Variants in RIN3 observed in about 807,000 individuals in gnomAD.
RIN3 encodes RAB5 interacting protein 3.
Under a neutral mutation model 76.3 loss-of-function variants are expected in RIN3, and 54 were observed. The observed-to-expected ratio is 0.71, with a 90% CI of 0.57 to 0.89. The LOEUF (loss-of-function observed/expected upper bound fraction) is 0.89, where lower values mean the gene tolerates loss of function less well. Ranked by LOEUF, RIN3 falls within the 40% of genes least tolerant of loss-of-function variation. The pLI is 0.00. For synonymous variants in RIN3, 576 were observed against 564.0 expected (o/e 1.02, Z -0.30); for missense variants, 1,256 against 1,322.1 (o/e 0.95, Z 0.78).
chr14:92,655,931 A>G (rs1189266347), intron 6 of RIN3, among the ~76,000 whole-genome samples: 1 of 152,218 alleles, frequency 6.6e-6, no homozygotes, highest in Non-Finnish European at 1.5e-5. Context: ...CGAGCGGGCC[A>G]TGGAGGGCTG....
chr14:92,516,841 G>T (rs1408081035), intron 1 of RIN3, among the ~76,000 whole-genome samples: 1 of 152,158 alleles, frequency 6.6e-6, no homozygotes, highest in Non-Finnish European at 1.5e-5. Flanking sequence ...ATGCCACAGG[G>T]CACCCGCATT....
intron 1 of RIN3, among the ~76,000 whole-genome samples, chr14:92,553,907 C>T (rs1293428159): frequency 6.6e-6 from 1 of 152,192 alleles, no homozygotes; most frequent in Non-Finnish European, 1.5e-5. Context: ...GCCCTGCCTT[C>T]AGGGGTGGTT....
At chr14:92,647,601 TTGAC>T (rs1236608307) in intron 5 of RIN3, among the ~76,000 whole-genome samples, 13 of 152,366 alleles carry the variant, frequency 8.5e-5, no homozygotes, top group Admixed American at 3.3e-4. Flanking sequence ...AAACTTGACT[TTGAC>T]TGACTGTGTA....
intron 3 of RIN3, among the ~76,000 whole-genome samples, chr14:92,607,719 G>A (rs1044254057): frequency 3.9e-5 from 6 of 152,184 alleles, no homozygotes; most frequent in African/African-American, 1.4e-4. Flanking sequence ...AAACTTACAT[G>A]CCAATGTTTA....
intron 6 of RIN3, among the ~76,000 whole-genome samples, chr14:92,658,108 A>C (rs1305109951): frequency 6.6e-6 from 1 of 152,220 alleles, no homozygotes; most frequent in Non-Finnish European, 1.5e-5. Context: ...ACATGAGTTC[A>C]AGTCCTTGTT....
intron 5 of RIN3, 71 bp downstream of exon 5, chr14:92,641,400 G>T (rs543605106): frequency 3.4e-6 from 4 of 1,175,612 alleles, no homozygotes; most frequent in Non-Finnish European, 5.1e-6. Flanking sequence ...CTGCCCCAGG[G>T]GCCGCCTGTG....
chr14:92,639,701 C>T (rs578230636), intron 4 of RIN3, among the ~76,000 whole-genome samples: 7 of 152,242 alleles, frequency 4.6e-5, no homozygotes, highest in African/African-American at 7.2e-5. Context: ...TTTTCCTTTC[C>T]GGGCCCCTGT....
chr14:92,565,179 G>A (rs1309826822), intron 2 of RIN3, among the ~76,000 whole-genome samples: 2 of 152,202 alleles, frequency 1.3e-5, no homozygotes, highest in Non-Finnish European at 2.9e-5. Flanking sequence ...CCATCAGGAT[G>A]CCTTTCCCTG....
At chr14:92,565,244 T>C (rs1485595168) in intron 2 of RIN3, among the ~76,000 whole-genome samples, 1 of 152,132 alleles carries the variant, frequency 6.6e-6, no homozygotes, top group Non-Finnish European at 1.5e-5. Flanking sequence ...GAGCCATCCA[T>C]GAACACTGAC....
chr14:92,519,863 A>G (rs1566824519), intron 1 of RIN3, among the ~76,000 whole-genome samples: 1 of 152,222 alleles, frequency 6.6e-6, no homozygotes, highest in Non-Finnish European at 1.5e-5. Flanking sequence ...CCTGGCGTCC[A>G]CAGGGCAGTG....
At position 92,515,470 on chromosome 14, in the gene RIN3, G is replaced by A. The variant is rs1896415476; in HGVS notation, c.44+1494G>A. 8.0e-6 allele frequency: 4 copies of A among 501,370 alleles called. No homozygotes were observed. The South Asian group carries it at 9.6e-5, about 12-fold the overall frequency. The allele number at this position is 501,370 out of a possible 1,614,324, so 31.1% of individuals were successfully genotyped here. A position where few individuals can be genotyped will look rare whatever the true frequency, so the allele number is the denominator to read the frequency against. On this transcript the variant is annotated intron_variant, in intron 1 of 9. Transcript: ENST00000216487. ...ACTGGGTCGGTTATTTAAACTCTCT[G>A]TATCTCAGTTCACTTATCAATAAAA...
At chr14:92,592,484 G>T (rs1179915249) in intron 3 of RIN3, among the ~76,000 whole-genome samples, 2 of 151,072 alleles carry the variant, frequency 1.3e-5, no homozygotes, top group African/African-American at 2.4e-5. Flanking sequence ...TCCAAAATCA[G>T]TAGGTACTTG....
chr14:92,539,526 G>A (rs1595398162), intron 1 of RIN3, among the ~76,000 whole-genome samples: 1 of 152,306 alleles, frequency 6.6e-6, no homozygotes, highest in East Asian at 1.9e-4. Flanking sequence ...AAACCATGAG[G>A]CTGCATAGCT....
At chr14:92,572,695 G>C (rs1898095715) in intron 2 of RIN3, among the ~76,000 whole-genome samples, 1 of 152,120 alleles carries the variant, frequency 6.6e-6, no homozygotes, top group African/African-American at 2.4e-5. Context: ...GTTATAGAGA[G>C]GGGCGGTGGT....
At position 92,577,389 on chromosome 14, in the gene RIN3, G is replaced by T. The variant is rs140939245; in HGVS notation, c.279G>T (p.Ser93=). Residue 93 remains serine (S), a synonymous_variant, in exon 3 of 10, where the codon TCG becomes TCT. Coordinates refer to ENST00000216487, the MANE Select transcript of RIN3 (RefSeq NM_024832.5). ...TCCTGGTTCGCCGGGACAGCAGCTC[G>T]AAGCAGCTGGTGCTCTGTGTCCACT... is the stretch of plus-strand genomic sequence containing the variant. ...GMFLVRRDSS[S]KQLVLCVHFP... The T allele has an allele frequency of 5.1e-5, 83 of 1,613,496 alleles. No homozygotes were observed. The highest frequency in any genetic ancestry group is 6.9e-5 in the Non-Finnish European group (81 of 1,179,692).
chr14:92,560,855 C>G (rs1483898665), intron 2 of RIN3, among the ~76,000 whole-genome samples: 1 of 150,428 alleles, frequency 6.6e-6, no homozygotes, highest in African/African-American at 2.5e-5. Context: ...CACGTCTCTA[C>G]TAAAAATACA....
rs1210599251 is a variant in RIN3, at chr14:92,656,557, T to C, written c.2027-2604T>C. Among the ~76,000 whole-genome samples the C allele has an allele frequency of 6.6e-6, 1 of 152,188 alleles. No homozygotes were observed. Among genetic ancestry groups the C allele is most frequent in the Non-Finnish European group, 1.5e-5 (1 of 68,018 alleles). ...GGATGCAGACACACCATGGGTCCTG[T>C]TAAGGCCAAATCTGCTTCGGGCACC... On this transcript the variant is annotated intron_variant, in intron 6 of 9. Transcript: ENST00000216487. This position sits in a 1 kb window ranked among gnomAD's most constrained non-coding sequence, Gnocchi z 5.2.
intron 3 of RIN3, among the ~76,000 whole-genome samples, chr14:92,598,514 A>G (rs1255912265): frequency 1.3e-5 from 2 of 152,278 alleles, no homozygotes; most frequent in Non-Finnish European, 2.9e-5. Context: ...AAAGCAATAG[A>G]TAACTGGAAC....
At chr14:92,561,946 A>C (rs1458535484) in intron 2 of RIN3, among the ~76,000 whole-genome samples, 2 of 152,174 alleles carry the variant, frequency 1.3e-5, no homozygotes, top group South Asian at 4.1e-4. Context: ...TCGGCCTCCC[A>C]TACCACTGGG....
Sources: allele counts gnomAD v4.1 joint callset (sites outside exome capture counted in the v4.1 genomes callset), GRCh38; gene constraint gnomAD v4.1.1; non-coding constraint Gnocchi (gnomAD v3.1); transcripts MANE v1.5; gene names NCBI Gene and HGNC (gene_info 2026-07-23, HGNC 2026-07-21).